KDM4C: variants seen among roughly 807,000 people sequenced by gnomAD.
KDM4C encodes lysine demethylase 4C.
KDM4C carries 81 observed loss-of-function variants against 129.3 expected under a neutral mutation model. The ratio of observed to expected loss-of-function variants is 0.63; its 90% CI spans 0.52 to 0.75. The LOEUF (loss-of-function observed/expected upper bound fraction) is 0.75, where lower values mean the gene tolerates loss of function less well. Among genes scored for constraint, KDM4C ranks in the 30% least tolerant of loss-of-function variants. The probability of loss-of-function intolerance (pLI) is 0.00; values close to 1 mark genes in which losing one functional copy is unlikely to be tolerated. For missense variants in KDM4C, 1,457 were observed against 1,304.0 expected (o/e 1.12, Z -1.81); for synonymous variants, 573 against 456.1 (o/e 1.26, Z -3.26).
At chr9:6,810,761 C>T (rs1830996388) in intron 3 of KDM4C, among the ~76,000 whole-genome samples, 1 of 151,974 alleles carries the variant, frequency 6.6e-6, no homozygotes, top group Non-Finnish European at 1.5e-5. Flanking sequence ...GTCCCAGCTA[C>T]TCGGGAGGCT....
At chr9:7,160,896 AG>A (rs1843711132) in intron 19 of KDM4C, among the ~76,000 whole-genome samples, 2 of 152,174 alleles carry the variant, frequency 1.3e-5, no homozygotes, top group Admixed American at 1.3e-4. Flanking sequence ...AGTCTGCAGA[AG>A]TTGTCTGCTG....
At chr9:6,738,847 A>G (rs1817604514) in intron 1 of KDM4C, among the ~76,000 whole-genome samples, 1 of 150,906 alleles carries the variant, frequency 6.6e-6, no homozygotes, top group Non-Finnish European at 1.5e-5. Flanking sequence ...GATCCACCAA[A>G]GTGCTGGGAT....
intron 8 of KDM4C, among the ~76,000 whole-genome samples, chr9:6,911,863 C>A (rs186599989): frequency 1.3e-5 from 2 of 152,010 alleles, no homozygotes; most frequent in African/African-American, 4.8e-5. Context: ...GGCACTGTTG[C>A]CTGAGGGGGT....
At chr9:7,125,566 A>G (rs1839946581) in intron 18 of KDM4C, among the ~76,000 whole-genome samples, 1 of 152,252 alleles carries the variant, frequency 6.6e-6, no homozygotes, top group Admixed American at 6.5e-5. Flanking sequence ...GAAGAAAAAG[A>G]TAAGCATAAC....
intron 2 of KDM4C, among the ~76,000 whole-genome samples, chr9:6,797,030 G>T (rs1396262845): frequency 6.6e-6 from 1 of 151,582 alleles, no homozygotes; most frequent in Non-Finnish European, 1.5e-5. Flanking sequence ...GCCCTGTTAG[G>T]CTGGGTGGTG....
At chr9:7,085,953 C>T (rs922335812) in intron 17 of KDM4C, among the ~76,000 whole-genome samples, 1 of 152,042 alleles carries the variant, frequency 6.6e-6, no homozygotes, top group Non-Finnish European at 1.5e-5. Context: ...GTCAGGAGTT[C>T]GAGACCAGCC....
intron 5 of KDM4C, among the ~76,000 whole-genome samples, chr9:6,868,172 C>T (rs1362069346): frequency 1.3e-5 from 2 of 151,866 alleles, no homozygotes. Flanking sequence ...AGATAAAAAG[C>T]CCCCCGAGAG....
chr9:6,820,030 G>T (rs937954417), intron 4 of KDM4C, among the ~76,000 whole-genome samples: 5 of 151,886 alleles, frequency 3.3e-5, no homozygotes, highest in East Asian at 1.9e-4. Context: ...TTTGGTGGGG[G>T]TGGGAGTTCT....
chr9:6,787,862 A>G (rs1214514204), intron 1 of KDM4C, among the ~76,000 whole-genome samples: 1 of 152,220 alleles, frequency 6.6e-6, no homozygotes, highest in East Asian at 1.9e-4. Flanking sequence ...ATGTTTGAGT[A>G]CCAAGAACTG....
intron 8 of KDM4C, among the ~76,000 whole-genome samples, chr9:6,919,223 C>CTTTCTTTCTTTCTTTTTCTTTCTTTCT (rs532687391): frequency 5.5e-5 from 6 of 108,912 alleles, no homozygotes; most frequent in African/African-American, 1.5e-4. Flanking sequence ...TTTCTTTTTC[C>CTTTCTTTCTTTCTTTTTCTTTCTTTCT]TTCTTTCTTT....
At chr9:6,963,566 T>G (rs1477782294) in intron 8 of KDM4C, among the ~76,000 whole-genome samples, 1 of 152,190 alleles carries the variant, frequency 6.6e-6, no homozygotes, top group Non-Finnish European at 1.5e-5. Flanking sequence ...ATAAATACAG[T>G]TGGTGCAACA....
chr9:6,914,336 G>T (rs1043393780), intron 8 of KDM4C, among the ~76,000 whole-genome samples: 1 of 152,188 alleles, frequency 6.6e-6, no homozygotes, highest in African/African-American at 2.4e-5. Context: ...TGGGATTACA[G>T]GCTGGGCTTA....
At position 6,839,112 on chromosome 9, in the gene KDM4C, G is replaced by C. The variant is rs931978179; in HGVS notation, c.436-10395G>C. Among the ~76,000 whole-genome samples the C allele has an allele frequency of 6.6e-5, 10 of 152,332 alleles. No individual in the cohort carries two copies. In the East Asian group the frequency reaches 1.9e-3, roughly 29 times the overall value. On this transcript the variant is annotated intron_variant, in intron 4 of 21. Coordinates refer to ENST00000381309, the MANE Select transcript of KDM4C (RefSeq NM_015061.6). ...ACATTAGCCTAGCTTTAAGTTGCCAGCACAGTAGTGGAGTTTGGTGGATGG... is the reference window on the plus strand; with the variant it reads ...ACATTAGCCTAGCTTTAAGTTGCCACCACAGTAGTGGAGTTTGGTGGATGG...
At chr9:7,094,369 T>A (rs1220311520) in intron 17 of KDM4C, among the ~76,000 whole-genome samples, 1 of 152,106 alleles carries the variant, frequency 6.6e-6, no homozygotes, top group Non-Finnish European at 1.5e-5. Context: ...TATTATACTT[T>A]AAGTTTTAGG....
chr9:6,819,944 T>A (rs570559610), intron 4 of KDM4C, among the ~76,000 whole-genome samples: 1 of 152,348 alleles, frequency 6.6e-6, no homozygotes, highest in South Asian at 2.1e-4. Context: ...AAATTGCAGT[T>A]TCCTTTTTCC....
At chr9:7,167,215 C>T (rs982225198) in intron 20 of KDM4C, among the ~76,000 whole-genome samples, 1 of 152,004 alleles carries the variant, frequency 6.6e-6, no homozygotes, top group Non-Finnish European at 1.5e-5. Flanking sequence ...AAGAGAGGGC[C>T]AAAATTCTCT....
Position 6,861,777 on chromosome 9 carries a change from TC to T in KDM4C, c.629+12078del, listed in dbSNP as rs202240221. 1.3e-3 allele frequency among the ~76,000 whole-genome samples: 192 copies of T among 150,576 alleles called. 1 individual carries two copies. Among genetic ancestry groups the T allele is most frequent in the African/African-American group, 3.6e-3 (149 of 41,290 alleles). On this transcript the variant is annotated intron_variant, in intron 5 of 21. Transcript: ENST00000381309. Reference sequence around the variant, plus strand: ...ACTTTACAATATATATTTCTTTCTTTCTTTTTTTTTTTTCTCGAGATGGAGT... The same window carrying T: ...ACTTTACAATATATATTTCTTTCTTTTTTTTTTTTTTTCTCGAGATGGAGT...
chr9:7,029,750 C>T (rs1249389600), intron 15 of KDM4C, among the ~76,000 whole-genome samples: 1 of 152,018 alleles, frequency 6.6e-6, no homozygotes, highest in Non-Finnish European at 1.5e-5. Flanking sequence ...GTTAGAGTGC[C>T]ACAAATATGA....
At chr9:7,109,824 G>A (rs911869714) in intron 18 of KDM4C, among the ~76,000 whole-genome samples, 17 of 152,226 alleles carry the variant, frequency 1.1e-4, no homozygotes, top group East Asian at 1.9e-4. Context: ...GTTTGGCTGT[G>A]TCCCCACCCA....
Sources: gnomAD v4.1 joint callset for allele counts (sites outside exome capture counted in the v4.1 genomes callset) on GRCh38, gnomAD v4.1.1 for gene constraint, MANE v1.5 for transcripts, NCBI Gene and HGNC (gene_info 2026-07-23, HGNC 2026-07-21) for gene names.